Variants in CAMK2D observed in about 807,000 individuals in gnomAD.
The protein encoded by CAMK2D is calcium/calmodulin dependent protein kinase II delta.
Under a neutral mutation model 84.0 loss-of-function variants are expected in CAMK2D, and 37 were observed. The observed-to-expected ratio is 0.44, with a 90% CI of 0.34 to 0.58. The LOEUF (loss-of-function observed/expected upper bound fraction) is 0.58, where lower values mean the gene tolerates loss of function less well. Ranked by LOEUF, CAMK2D falls within the 20% of genes least tolerant of loss-of-function variation. The pLI, the probability that CAMK2D is intolerant of heterozygous loss-of-function variation, is 0.02. For synonymous variants in CAMK2D, 202 were observed against 212.5 expected, an observed-to-expected ratio of 0.95 and a Z score of 0.43; for missense variants, 448 against 652.5, an observed-to-expected ratio of 0.69 and a Z score of 3.41.
At chr4:113,499,879 C>A (rs1247196519) in intron 16 of CAMK2D, among the ~76,000 whole-genome samples, 1 of 152,080 alleles carries the variant, frequency 6.6e-6, no homozygotes, top group East Asian at 1.9e-4. Context: ...TGCAGGGGCA[C>A]TGAGAAGATG....
At chr4:113,702,607 G>A (rs1192312929) in intron 2 of CAMK2D, among the ~76,000 whole-genome samples, 4 of 151,936 alleles carry the variant, frequency 2.6e-5, no homozygotes, top group African/African-American at 4.8e-5. Context: ...ATTTCAACAC[G>A]GAATTAATAT....
chr4:113,589,346 A>C (rs1340194160), intron 4 of CAMK2D, among the ~76,000 whole-genome samples: 1 of 152,186 alleles, frequency 6.6e-6, no homozygotes, highest in Admixed American at 6.5e-5. Flanking sequence ...TGGAGATTCA[A>C]GATATATTCA....
In CAMK2D at chr4:113,695,780, C is replaced by T. The variant is rs75579793; in HGVS notation, c.161-34008G>A. Among the ~76,000 whole-genome samples, 216 of 152,216 alleles carry T rather than the reference C, an allele frequency of 1.4e-3. 6 individuals are homozygous for T. In the East Asian group the frequency reaches 0.039, roughly 28 times the overall value. The stretch of plus-strand genomic sequence containing the variant: ...TTCAACCAAATTTCAACCAAGTAAC[C>T]AGATTGACCCCATTGCCTCCTAAGA... On this transcript the variant is annotated intron_variant, in intron 2 of 20. Transcript: ENST00000511664.
In CAMK2D at chr4:113,460,128, A is replaced by G; in HGVS notation, c.1306+19T>C. On this transcript the variant is annotated intron_variant, in intron 18 of 20. Transcript: ENST00000511664. ...AGAGGTTTAAAAAGGGCATGTTATT[A>G]AATTAGGAATAAATGTACCATTTTC... The G allele has an allele frequency of 7.2e-7, 1 of 1,390,734 alleles. No individual in the cohort carries two copies. The highest frequency in any genetic ancestry group is 1.0e-6 in the Non-Finnish European group (1 of 977,158). The allele number at this position is 1,390,734 out of a possible 1,614,324, so 86.1% of individuals were successfully genotyped here. A position where few individuals can be genotyped will look rare whatever the true frequency, so the allele number is the denominator to read the frequency against.
rs769672306 is a variant in CAMK2D at position 113,604,709 on chromosome 4, T to C, written c.275+4443A>G. 2.6e-5 allele frequency among the ~76,000 whole-genome samples: 4 copies of C among 152,222 alleles called. No homozygotes were observed. In the South Asian group the frequency reaches 8.3e-4, roughly 32 times the overall value. The stretch of plus-strand genomic sequence containing the variant: ...CCATTGCTAAAGACATAATCCACTT[T>C]AGTTAAAAATCTTATTCTGTTTCCA... On this transcript the variant is annotated intron_variant, in intron 4 of 20. Transcript: ENST00000511664.
chr4:113,613,182 C>A (rs1051119392), intron 3 of CAMK2D, among the ~76,000 whole-genome samples: 1 of 152,070 alleles, frequency 6.6e-6, no homozygotes, highest in Non-Finnish European at 1.5e-5. Context: ...TTAATATATG[C>A]AAGCACCACA....
chr4:113,597,039 C>T (rs2098930486), intron 4 of CAMK2D, among the ~76,000 whole-genome samples: 1 of 152,082 alleles, frequency 6.6e-6, no homozygotes, highest in South Asian at 2.1e-4. Flanking sequence ...AGGATGGTCT[C>T]CATCTCCTGA....
At chr4:113,527,109 T>G (rs1234067204) in intron 8 of CAMK2D, among the ~76,000 whole-genome samples, 1 of 152,070 alleles carries the variant, frequency 6.6e-6, no homozygotes, top group Admixed American at 6.6e-5. Flanking sequence ...TTCATTGTTG[T>G]CTTATTTTCA....
chr4:113,648,360 A>T (rs1029408704), intron 3 of CAMK2D, among the ~76,000 whole-genome samples: 1 of 152,220 alleles, frequency 6.6e-6, no homozygotes, highest in African/African-American at 2.4e-5. Context: ...AAGCATTTTC[A>T]TCATTCTGTC....
At chr4:113,509,080 T>C (rs2098172453) in intron 13 of CAMK2D, among the ~76,000 whole-genome samples, 1 of 152,194 alleles carries the variant, frequency 6.6e-6, no homozygotes, top group Non-Finnish European at 1.5e-5. Context: ...GCTGTTATTT[T>C]TCTTGCAAGA....
At chr4:113,501,237 T>C (rs886969607) in intron 15 of CAMK2D, among the ~76,000 whole-genome samples, 1 of 149,432 alleles carries the variant, frequency 6.7e-6, no homozygotes, top group Non-Finnish European at 1.5e-5. Flanking sequence ...AAACTACAAA[T>C]TAAGTGGAAG....
chr4:113,595,857 G>T (rs961780505), intron 4 of CAMK2D, among the ~76,000 whole-genome samples: 3 of 152,264 alleles, frequency 2.0e-5, no homozygotes, highest in African/African-American at 7.2e-5. Context: ...TGACTGATGG[G>T]GTGGTGGCTG....
intron 2 of CAMK2D, among the ~76,000 whole-genome samples, chr4:113,667,694 T>G (rs1360615114): frequency 6.6e-6 from 1 of 152,232 alleles, no homozygotes; most frequent in Non-Finnish European, 1.5e-5. Flanking sequence ...TATATGAATT[T>G]AAAGCTGTCA....
intron 12 of CAMK2D, among the ~76,000 whole-genome samples, chr4:113,510,086 T>G (rs935657465): frequency 6.6e-6 from 1 of 152,200 alleles, no homozygotes; most frequent in Non-Finnish European, 1.5e-5. Flanking sequence ...ATGGTGACCA[T>G]GTCAGTTCTG....
intron 16 of CAMK2D, among the ~76,000 whole-genome samples, chr4:113,486,616 G>A (rs915596899): frequency 2.6e-5 from 4 of 152,126 alleles, no homozygotes; most frequent in African/African-American, 9.7e-5. Flanking sequence ...AGAATATTAA[G>A]CCTGAATCCT....
At chr4:113,697,883 C>A (rs2099407508) in intron 2 of CAMK2D, among the ~76,000 whole-genome samples, 1 of 152,030 alleles carries the variant, frequency 6.6e-6, no homozygotes, top group African/African-American at 2.4e-5. Flanking sequence ...TTTCTGCTCA[C>A]AAAACTAGCG....
chr4:113,753,944 T>C (rs62313095), intron 2 of CAMK2D: 132,934 of 981,146 alleles, frequency 0.14, 9,570 homozygotes, highest in East Asian at 0.32. Context: ...CATGCTTGAA[T>C]TGTAATGCCA....
chr4:113,754,054 CAT>C (rs1304329487), intron 2 of CAMK2D: 24 of 881,498 alleles, frequency 2.7e-5, no homozygotes, highest in South Asian at 5.2e-5. Flanking sequence ...CACATAAAGA[CAT>C]GTGAATATGC....
At chr4:113,530,494 A>G (rs567518995) in intron 8 of CAMK2D, among the ~76,000 whole-genome samples, 1 of 152,286 alleles carries the variant, frequency 6.6e-6, no homozygotes, top group South Asian at 2.1e-4. Flanking sequence ...TGTATTTTAA[A>G]TTATAAAAAT....
Sources: allele counts gnomAD v4.1 joint callset (sites outside exome capture counted in the v4.1 genomes callset), GRCh38; gene constraint gnomAD v4.1.1; transcripts MANE v1.5; gene names NCBI Gene and HGNC (gene_info 2026-07-23, HGNC 2026-07-21).